Variants in DLG5 observed in about 807,000 individuals in gnomAD.
DLG5 encodes the protein discs large MAGUK scaffold protein 5.
DLG5 carries 48 observed loss-of-function variants against 189.8 expected under a neutral mutation model. The ratio of observed to expected loss-of-function variants is 0.25; its 90% CI spans 0.20 to 0.32. DLG5 has a LOEUF of 0.32. Among genes scored for constraint, DLG5 ranks in the 10% least tolerant of loss-of-function variants. DLG5 has a pLI of 1.00. For missense variants in DLG5, 2,160 were observed against 2,544.7 expected (o/e 0.85, Z 3.25); for synonymous variants, 1,016 against 1,054.1 (o/e 0.96, Z 0.70).
intron 1 of DLG5, among the ~76,000 whole-genome samples, chr10:77,876,922 C>T (rs1351834478): frequency 6.7e-6 from 1 of 148,766 alleles, no homozygotes; most frequent in Non-Finnish European, 1.5e-5. Context: ...GAGACAGGGT[C>T]TCTCTTTGTT....
the DLG5 span, among the ~76,000 whole-genome samples, chr10:77,939,403 G>A: frequency 3.3e-5 from 5 of 152,108 alleles, no homozygotes; most frequent in African/African-American, 4.8e-5. Flanking sequence ...TAGAAGAGAC[G>A]GGTGTAGCTT....
At chr10:77,933,288 G>A in the DLG5 span, among the ~76,000 whole-genome samples, 1 of 151,544 alleles carries the variant, frequency 6.6e-6, no homozygotes, top group Admixed American at 6.6e-5. Flanking sequence ...TTTGTTTTTT[G>A]TTTTTTGTTT....
chr10:77,932,564 C>G, the DLG5 span, among the ~76,000 whole-genome samples: 1 of 152,014 alleles, frequency 6.6e-6, no homozygotes, highest in African/African-American at 2.4e-5. Context: ...TTTGGAAGGC[C>G]GAGGCAGGAT....
intron 27 of DLG5, among the ~76,000 whole-genome samples, chr10:77,802,423 A>G (rs954797087): frequency 6.6e-6 from 1 of 152,246 alleles, no homozygotes; most frequent in Admixed American, 6.5e-5. Context: ...AACCTGCACT[A>G]CAAGAAAAAC....
At chr10:77,870,098 A>G (rs1346031260) in intron 1 of DLG5, among the ~76,000 whole-genome samples, 1 of 151,524 alleles carries the variant, frequency 6.6e-6, no homozygotes, top group East Asian at 1.9e-4. Context: ...ACTATGGATG[A>G]CATAAAATTA....
intron 2 of DLG5, chr10:77,868,107 G>A: frequency 2.2e-6 from 1 of 456,154 alleles, no homozygotes; most frequent in Non-Finnish European, 4.4e-6. Context: ...CTGACACTTT[G>A]ATCTTGGGCT....
intron 24 of DLG5, among the ~76,000 whole-genome samples, chr10:77,808,701 C>CA (rs747620259): frequency 2.4e-4 from 37 of 152,218 alleles, no homozygotes; most frequent in Non-Finnish European, 3.8e-4. Flanking sequence ...TGCCCAGGGC[C>CA]TGAGCCAAGG....
In DLG5 at chr10:77,926,747, G is replaced by T; in HGVS notation, c.-227C>A. ...CGCAGCCATGTTGGCTGCCGCGGCG[G>T]CGGGACTGGAAGAGGAGGAGGAGGA... On this transcript the variant is annotated 5_prime_UTR_variant, in exon 1 of 32. Coordinates refer to ENST00000372391, the MANE Select transcript of DLG5 (RefSeq NM_004747.4). This position sits in a 1 kb window ranked among gnomAD's most constrained non-coding sequence, Gnocchi z 5.2. 6.3e-6 allele frequency: 1 copy of T among 157,784 alleles called. No individual in the cohort carries two copies. Among genetic ancestry groups the T allele is most frequent in the Non-Finnish European group, 1.4e-5 (1 of 73,584 alleles). The allele number at this position is 157,784 out of a possible 1,614,324, so 9.8% of individuals were successfully genotyped here.
intron 13 of DLG5, among the ~76,000 whole-genome samples, chr10:77,825,388 AC>A: frequency 6.8e-6 from 1 of 147,396 alleles, no homozygotes; most frequent in Non-Finnish European, 1.5e-5. Context: ...ACACACACAC[AC>A]ACACACACAC....
In DLG5 at chr10:77,876,392, T is replaced by TTTCC. The variant is rs1290219135; in HGVS notation, c.305-7196_305-7195insGGAA. On this transcript the variant is annotated intron_variant, in intron 1 of 31. Transcript: ENST00000372391. ...ATCTCTCTTTTTTTTTTTTTTTTTT[T>TTTCC]GAAAGAGAGTCTCACTCTGTTGCCC... 1.1e-3 allele frequency among the ~76,000 whole-genome samples: 147 copies of TTTCC among 131,558 alleles called. 1 individual carries two copies. The highest frequency in any genetic ancestry group is 3.8e-3 in the Middle Eastern group (1 of 264). The allele number at this position is 131,558 out of a possible 152,430, so 86.3% of individuals were successfully genotyped here.
intron 3 of DLG5, 83 bp downstream of exon 3, chr10:77,856,647 G>A: frequency 1.3e-6 from 2 of 1,538,650 alleles, no homozygotes; most frequent in Middle Eastern, 2.3e-4. Flanking sequence ...CAGGAGCCAG[G>A]GGTGTTTGGG....
chr10:77,921,723 C>T (rs1249179812), intron 1 of DLG5, among the ~76,000 whole-genome samples: 1 of 152,220 alleles, frequency 6.6e-6, no homozygotes, highest in Non-Finnish European at 1.5e-5. Flanking sequence ...CCAGCACATT[C>T]GTGAAGCTCT....
Position 77,821,312 on chromosome 10 carries a change from C to T in DLG5, c.3172G>A (p.Gly1058Arg), listed in dbSNP as rs200325993. The T allele has an allele frequency of 2.2e-5, 35 of 1,613,376 alleles. No homozygotes were observed. Among genetic ancestry groups the T allele is most frequent in the Admixed American group, 1.3e-4 (8 of 60,020 alleles). Residue 1058 changes from glycine to arginine, a missense_variant, in exon 15 of 32, where the codon GGG becomes AGG. This residue lies in a region of DLG5 where 754 missense variants were observed against 746.5 expected (regional missense o/e 1.01). Coordinates refer to ENST00000372391, the MANE Select transcript of DLG5 (RefSeq NM_004747.4). ...PSALPPDVDP[G>R]EPMHASPPRK... ...GGGGGTGATGCGTGCATGGGCTCCC[C>T]GGGGTCCACGTCAGGGGGCAGGGCG...
intron 19 of DLG5, 77 bp downstream of exon 19, chr10:77,816,930 C>T: frequency 6.6e-7 from 1 of 1,522,436 alleles, no homozygotes. Context: ...AAGTTCTCAG[C>T]TAAGCCCAGA....
At chr10:77,834,258 C>T (rs1052673277) in intron 8 of DLG5, among the ~76,000 whole-genome samples, 1 of 152,068 alleles carries the variant, frequency 6.6e-6, no homozygotes, top group African/African-American at 2.4e-5. Flanking sequence ...GGAAGAGACA[C>T]CCCCACAGTC....
rs1451985753 is a variant in DLG5 at position 77,854,375 on chromosome 10, C to A, written c.537-5G>T. On this transcript the variant is annotated splice_polypyrimidine_tract_variant and splice_region_variant and intron_variant, in intron 3 of 31. Transcript: ENST00000372391. ...GGATTCAGCCTGTGGTAGGGCCTGG[C>A]CCAGAGAGCGAATGGCCCCATGAAC... 1 of 1,613,674 alleles carries A rather than the reference C, an allele frequency of 6.2e-7. No individual in the cohort carries two copies. Among genetic ancestry groups the A allele is most frequent in the Non-Finnish European group, 8.5e-7 (1 of 1,179,948 alleles).
intron 5 of DLG5, among the ~76,000 whole-genome samples, chr10:77,844,283 T>G (rs1843574802): frequency 6.6e-6 from 1 of 152,162 alleles, no homozygotes; most frequent in Non-Finnish European, 1.5e-5. Flanking sequence ...CTGGAGGAAT[T>G]AAGTGCCTCC....
At chr10:77,822,132 AGAGT>A (rs1568152732) in intron 14 of DLG5, 31 bp from the exon 15 acceptor site, 2 of 1,583,096 alleles carry the variant, frequency 1.3e-6, no homozygotes, top group Admixed American at 3.5e-5. Context: ...AGTGAGAGAG[AGAGT>A]GAGATGGCAG....
chr10:77,831,653 C>T (rs1589175167), intron 9 of DLG5, among the ~76,000 whole-genome samples: 1 of 152,150 alleles, frequency 6.6e-6, no homozygotes, highest in Non-Finnish European at 1.5e-5. Flanking sequence ...CTAGGAATGC[C>T]CCAAGTCACC....
Sources: gnomAD v4.1 joint callset for allele counts (sites outside exome capture counted in the v4.1 genomes callset) on GRCh38, gnomAD v4.1.1 for gene constraint, gnomAD v4.1.1 regional missense constraint, Gnocchi (gnomAD v3.1) non-coding constraint, MANE v1.5 for transcripts, NCBI Gene and HGNC (gene_info 2026-07-23, HGNC 2026-07-21) for gene names.